The following CFAP43 variants were observed in gnomAD, a reference collection of about 807,000 sequenced individuals.
CFAP43 encodes the protein cilia and flagella associated protein 43.
A neutral mutation model predicts 218.9 loss-of-function variants in CFAP43; 155 were observed. The ratio of observed to expected loss-of-function variants is 0.71; its 90% CI spans 0.62 to 0.81. The LOEUF (loss-of-function observed/expected upper bound fraction) is 0.81. Ranked by LOEUF, CFAP43 falls within the 30% of genes least tolerant of loss-of-function variation. CFAP43 has a pLI of 0.00. For missense variants in CFAP43, 1,778 were observed against 1,954.3 expected (o/e 0.91, Z 1.70); for synonymous variants, 645 against 681.3 (o/e 0.95, Z 0.83).
intron 8 of CFAP43, among the ~76,000 whole-genome samples, chr10:104,202,832 A>T (rs2864010): frequency 0.13 from 18,961 of 147,696 alleles, 1,470 homozygotes; most frequent in Non-Finnish European, 0.17. Context: ...TTTTTTTTTT[A>T]AAAAAAACTT....
intron 12 of CFAP43, 22 bp from the exon 13 acceptor site, chr10:104,188,432 C>T: frequency 6.2e-7 from 1 of 1,610,010 alleles, no homozygotes; most frequent in Admixed American, 1.7e-5. Flanking sequence ...CAGAGATCAA[C>T]ACCACAAGTG....
chr10:104,227,508 T>C (rs1022146547), intron 2 of CFAP43, among the ~76,000 whole-genome samples: 4 of 152,234 alleles, frequency 2.6e-5, no homozygotes, highest in Non-Finnish European at 5.9e-5. Context: ...ATCACACTTT[T>C]TAAAACAAAT....
chr10:104,142,424 A>G (rs1305064582), intron 32 of CFAP43, 31 bp from the exon 33 acceptor site: 1 of 1,561,224 alleles, frequency 6.4e-7, no homozygotes, highest in Non-Finnish European at 8.8e-7. Flanking sequence ...ACATGTCAGA[A>G]CATATGGAGC....
chr10:104,144,061 C>G (rs1032474578), intron 31 of CFAP43, among the ~76,000 whole-genome samples: 2 of 152,178 alleles, frequency 1.3e-5, no homozygotes, highest in Non-Finnish European at 2.9e-5. Flanking sequence ...TGTGCTTCAG[C>G]TGGAAAGGGA....
chr10:104,188,789 C>T (rs766780677), intron 12 of CFAP43, among the ~76,000 whole-genome samples: 2 of 152,168 alleles, frequency 1.3e-5, no homozygotes, highest in African/African-American at 4.8e-5. Flanking sequence ...TAAACTTAGG[C>T]ATCGGCCTTC....
In CFAP43 at chr10:104,162,118, C is replaced by T. The variant is rs930387018; in HGVS notation, c.3334-77G>A. 1.5e-5 allele frequency: 22 copies of T among 1,447,538 alleles called. No homozygotes were observed. The African/African-American group carries it at 1.7e-4, about 11-fold the overall frequency. 89.7% of individuals were successfully genotyped at this position (1,447,538 alleles called of 1,614,324 possible). A position where few individuals can be genotyped will look rare whatever the true frequency, so the allele number is the denominator to read the frequency against. On this transcript the variant is annotated intron_variant, in intron 25 of 37. Transcript: ENST00000357060. Reference sequence around the variant, plus strand: ...CCAGGTGGCTCCAGAGGCAGCTTCCCACCCAACATTAGAATGACTGCATTT... The same window carrying T: ...CCAGGTGGCTCCAGAGGCAGCTTCCTACCCAACATTAGAATGACTGCATTT...
intron 3 of CFAP43, among the ~76,000 whole-genome samples, chr10:104,223,110 G>A (rs981035400): frequency 2.6e-5 from 4 of 152,310 alleles, no homozygotes; most frequent in South Asian, 4.1e-4. Flanking sequence ...GCCAGATTTG[G>A]CCTATGGGCC....
At chr10:104,194,863 A>G (rs908231766) in intron 10 of CFAP43, among the ~76,000 whole-genome samples, 1 of 152,260 alleles carries the variant, frequency 6.6e-6, no homozygotes, top group Admixed American at 6.5e-5. Flanking sequence ...CAAGGATCCC[A>G]TATGTGGTGA....
At chr10:104,199,101 T>C (rs1319442859) in intron 8 of CFAP43, among the ~76,000 whole-genome samples, 2 of 152,160 alleles carry the variant, frequency 1.3e-5, no homozygotes, top group Non-Finnish European at 2.9e-5. Flanking sequence ...CTAAATATAA[T>C]GGAAGGAACA....
intron 25 of CFAP43, 52 bp downstream of exon 25, chr10:104,162,265 T>G: frequency 6.6e-7 from 1 of 1,526,338 alleles, no homozygotes; most frequent in Admixed American, 1.7e-5. Flanking sequence ...TAGGAAGCAG[T>G]ATCCCTAAAG....
chr10:104,155,535 A>G (rs1347896666), intron 27 of CFAP43, among the ~76,000 whole-genome samples: 1 of 152,124 alleles, frequency 6.6e-6, no homozygotes, highest in Non-Finnish European at 1.5e-5. Context: ...GGTCATCTTG[A>G]AGGGGGTAGG....
At position 104,230,595 on chromosome 10, in the gene CFAP43, A is replaced by C. The variant is rs756041762; in HGVS notation, c.314T>G (p.Leu105Trp). Reference sequence around the variant, plus strand: ...GGAAGGGTTCTCTAGAATACCTTTCAATTTGGTCCTTCTGGTCAATCCTGG... The same window carrying C: ...GGAAGGGTTCTCTAGAATACCTTTCCATTTGGTCCTTCTGGTCAATCCTGG... The part of the protein sequence containing the change: ...SFPGLTRRTK[L>W]KGNILLDYTL... The change falls in exon 2 of 38, where the codon TTG becomes TGG. Residue 105 changes from leucine to tryptophan, a missense_variant. Transcript: ENST00000357060. 3.5e-5 allele frequency: 56 copies of C among 1,613,718 alleles called. No individual in the cohort carries two copies. Among genetic ancestry groups the C allele is most frequent in the Non-Finnish European group, 4.7e-5 (56 of 1,179,922 alleles).
rs759746716 is a variant in CFAP43, at chr10:104,168,772, G to A, written c.2663C>T (p.Ser888Leu). Residue 888 changes from serine (S) to leucine (L), a missense_variant, in exon 21 of 38, where the codon TCG (serine) becomes TTG (leucine). Ser to Leu is a moderately radical substitution (Grantham distance 145). Transcript: ENST00000357060. ...AELIKEECWN[S>L]MAVKGRALKC... ...AAGAGCTCGACCTTTCACAGCCATC[G>A]AATTCCAACATTCTTCTTTGATAAG... The A allele has an allele frequency of 2.1e-5, 34 of 1,613,948 alleles. No homozygotes were observed. The highest frequency in any genetic ancestry group is 1.6e-4 in the Middle Eastern group (1 of 6,084).
intron 8 of CFAP43, 83 bp from the exon 9 acceptor site, chr10:104,198,121 A>C: frequency 1.3e-6 from 1 of 787,136 alleles, no homozygotes; most frequent in East Asian, 2.6e-5. Context: ...GCCTACTGTA[A>C]CCAAGGCTCT....
Position 104,232,045 on chromosome 10 carries a change from C to T in CFAP43, c.65+137G>A, listed in dbSNP as rs1454527292. Reference sequence around the variant, plus strand: ...CACGGGGAGGGAGGCTGAGGGAAGGCACTGGGGGCAGAGGGGAAGAGGTCG... The same window carrying T: ...CACGGGGAGGGAGGCTGAGGGAAGGTACTGGGGGCAGAGGGGAAGAGGTCG... On this transcript the variant is annotated intron_variant, in intron 1 of 37. Coordinates refer to ENST00000357060, the MANE Select transcript of CFAP43 (RefSeq NM_025145.7). 8 of 911,264 alleles carry T rather than the reference C, an allele frequency of 8.8e-6. No individual in the cohort carries two copies. In the East Asian group the frequency reaches 2.3e-4, roughly 26 times the overall value. 56.4% of individuals were successfully genotyped at this position (911,264 alleles called of 1,614,324 possible). A position where few individuals can be genotyped will look rare whatever the true frequency, so the allele number is the denominator to read the frequency against.
chr10:104,177,708 T>C (rs1342229529), intron 19 of CFAP43, among the ~76,000 whole-genome samples: 1 of 152,132 alleles, frequency 6.6e-6, no homozygotes, highest in Non-Finnish European at 1.5e-5. Flanking sequence ...TAACTGTAAA[T>C]TTCCAAACAC....
Position 104,144,770 on chromosome 10 carries a change from C to T in CFAP43, c.3944+706G>A, listed in dbSNP as rs2134756163. 2.6e-5 allele frequency among the ~76,000 whole-genome samples: 4 copies of T among 152,360 alleles called. No individual in the cohort carries two copies. In the South Asian group the frequency reaches 8.3e-4, roughly 32 times the overall value. ...CTGACTACATCTTTGTGACAAACTC[C>T]TTGATTTCTAGATTACATTTGATTG... On this transcript the variant is annotated intron_variant, in intron 31 of 37. Transcript: ENST00000357060.
intron 3 of CFAP43, among the ~76,000 whole-genome samples, chr10:104,216,290 G>T (rs1187691203): frequency 3.3e-5 from 5 of 152,216 alleles, no homozygotes; most frequent in Non-Finnish European, 5.9e-5. Flanking sequence ...GCAGAACTGG[G>T]CACTGTTCAC....
intron 27 of CFAP43, among the ~76,000 whole-genome samples, chr10:104,153,617 T>C (rs2088385550): frequency 6.6e-6 from 1 of 152,184 alleles, no homozygotes; most frequent in Non-Finnish European, 1.5e-5. Context: ...TATAAATCAT[T>C]TTTATCTTTA....
Sources: gnomAD v4.1 joint callset for allele counts (sites outside exome capture counted in the v4.1 genomes callset) on GRCh38, gnomAD v4.1.1 for gene constraint, MANE v1.5 for transcripts, NCBI Gene and HGNC (gene_info 2026-07-23, HGNC 2026-07-21) for gene names.